Variants in HHLA1 observed in about 807,000 individuals in gnomAD.
The protein encoded by HHLA1 is HERV-H LTR-associating protein 1.
In HHLA1, 72 loss-of-function variants were observed where a neutral mutation model predicts 69.9. That is an observed-to-expected ratio of 1.03 (90% CI 0.85 to 1.25). HHLA1 has a LOEUF of 1.25. Among genes scored for constraint, HHLA1 ranks in the 50% most tolerant of loss-of-function variants. The probability of loss-of-function intolerance (pLI) is 0.00; values close to 1 mark genes in which losing one functional copy is unlikely to be tolerated. For synonymous variants in HHLA1, 252 were observed against 233.2 expected (o/e 1.08, Z -0.73); for missense variants, 685 against 642.2 (o/e 1.07, Z -0.72).
rs1220111547 is a variant in HHLA1, at chr8:132,061,638, G to A, written c.*2357C>T. On this transcript the variant is annotated 3_prime_UTR_variant, in exon 17 of 17. Coordinates refer to ENST00000414222, the MANE Select transcript of HHLA1 (RefSeq NM_001145095.3). ...ACTAATTAGTAGGAGTTCCAGATCAGTAGCACCCCCTGAGGCTTTCTTATT... is the reference window on the plus strand; with the variant it reads ...ACTAATTAGTAGGAGTTCCAGATCAATAGCACCCCCTGAGGCTTTCTTATT... 6.6e-6 allele frequency: 1 copy of A among 152,192 alleles called. No individual in the cohort carries two copies. Among genetic ancestry groups the A allele is most frequent in the Non-Finnish European group, 1.5e-5 (1 of 68,084 alleles). 9.4% of individuals were successfully genotyped at this position (152,192 alleles called of 1,614,324 possible). A position where few individuals can be genotyped will look rare whatever the true frequency, so the allele number is the denominator to read the frequency against.
rs548458261 is a variant in HHLA1, at chr8:132,103,429, G to A, written c.139+679C>T. Among the ~76,000 whole-genome samples, 66 of 152,192 alleles carry A rather than the reference G, an allele frequency of 4.3e-4. 1 individual carries two copies. Among genetic ancestry groups the A allele is most frequent in the South Asian group, 3.9e-3 (19 of 4,816 alleles). ...GCTCAGGAGTTCATGACCTGCCTGG[G>A]CAACATGGTGAAACCCTGTTTCTAA... On this transcript the variant is annotated intron_variant, in intron 3 of 16. Transcript: ENST00000414222.
Position 132,077,774 on chromosome 8 carries a change from C to A in HHLA1, c.1123G>T (p.Glu375Ter). ...GGGCTGCCAGGTGTGGCCATTATCT[C>A]AGCAGCAGGCGCCAAAAGGCTTGTA... ...NTTSLLAPAA[E>*]IMATPGSPSQ... The change falls in exon 12 of 17, where the codon GAG becomes TAG. Residue 375 changes from glutamate to a stop codon, truncating the protein, a stop_gained. Coordinates refer to ENST00000414222, the MANE Select transcript of HHLA1 (RefSeq NM_001145095.3). LOFTEE classifies it high-confidence loss of function. 6.4e-7 allele frequency: 1 copy of A among 1,551,702 alleles called. No individual in the cohort carries two copies. Among genetic ancestry groups the A allele is most frequent in the Non-Finnish European group, 8.7e-7 (1 of 1,146,978 alleles).
chr8:132,066,573 CTG>C (rs1398453096), intron 15 of HHLA1, among the ~76,000 whole-genome samples: 2 of 152,218 alleles, frequency 1.3e-5, no homozygotes, highest in Non-Finnish European at 2.9e-5. Context: ...TCAGTGCAGG[CTG>C]TGTCAACTAG....
intron 11 of HHLA1, 49 bp from the exon 12 acceptor site, chr8:132,078,020 T>G (rs1225008878): frequency 1.3e-6 from 2 of 1,537,352 alleles, no homozygotes; most frequent in Admixed American, 4.0e-5. Flanking sequence ...CTTGACCACT[T>G]CGATTCAGAC....
chr8:132,091,804 C>T (rs75060932), intron 7 of HHLA1, among the ~76,000 whole-genome samples: 4 of 152,242 alleles, frequency 2.6e-5, no homozygotes, highest in East Asian at 1.9e-4. Flanking sequence ...AGACTGTAAA[C>T]GTATGCAAGA....
At chr8:132,083,222 G>A (rs1014459110) in intron 10 of HHLA1, among the ~76,000 whole-genome samples, 5 of 152,134 alleles carry the variant, frequency 3.3e-5, no homozygotes, top group African/African-American at 1.2e-4. Context: ...TAAGGGAAAT[G>A]CACAGGTGGG....
chr8:132,110,484 A>C (rs1824278318), intron 1 of HHLA1, among the ~76,000 whole-genome samples: 2 of 152,198 alleles, frequency 1.3e-5, no homozygotes, highest in South Asian at 4.1e-4. Context: ...TGAAGATCCT[A>C]ATATTTGTTG....
At position 132,095,595 on chromosome 8, in the gene HHLA1, G is replaced by T; in HGVS notation, c.372C>A (p.Asn124Lys). ...ATTTGGCGGGGTCTACTGTCTTCAG[G>T]TTAGAAACTGTGAAGAGAAAGGATT... is the stretch of plus-strand genomic sequence containing the variant. The part of the protein sequence containing the change: ...KFSVAVYNIS[N>K]LKTVDPAKFP... The change falls in exon 7 of 17, where the codon AAC (asparagine) becomes AAA (lysine). Residue 124 changes from asparagine (N) to lysine (K), a missense_variant. Transcript: ENST00000414222. 2 of 1,546,218 alleles carry T rather than the reference G, an allele frequency of 1.3e-6. No homozygotes were observed. Among genetic ancestry groups the T allele is most frequent in the South Asian group, 2.4e-5 (2 of 83,958 alleles).
Position 132,065,873 on chromosome 8 carries a change from G to C in HHLA1, c.1552+13C>G. ...CACTGCAAAGTTACAACATAGTCAA[G>C]CTGTGTACTTACTGTGCGAGTGGGA... On this transcript the variant is annotated intron_variant, in intron 16 of 16. Coordinates refer to ENST00000414222, the MANE Select transcript of HHLA1 (RefSeq NM_001145095.3). 1.6e-6 allele frequency: 2 copies of C among 1,255,572 alleles called. No homozygotes were observed. Among genetic ancestry groups the C allele is most frequent in the African/African-American group, 3.1e-5 (2 of 64,962 alleles). 77.8% of individuals were successfully genotyped at this position (1,255,572 alleles called of 1,614,324 possible).
chr8:132,076,217 G>A (rs921473753), intron 13 of HHLA1, 88 bp from the exon 14 acceptor site: 10 of 962,554 alleles, frequency 1.0e-5, no homozygotes, highest in Non-Finnish European at 1.3e-5. Context: ...CATCTTAAAG[G>A]TAAATCATTC....
intron 10 of HHLA1, among the ~76,000 whole-genome samples, chr8:132,081,311 A>G (rs1020047104): frequency 4.6e-5 from 7 of 152,228 alleles, no homozygotes; most frequent in African/African-American, 1.7e-4. Flanking sequence ...AAGCATCTAT[A>G]CAGGAGCCTA....
chr8:132,083,354 G>C (rs978761035), intron 10 of HHLA1, among the ~76,000 whole-genome samples: 2 of 152,016 alleles, frequency 1.3e-5, no homozygotes, highest in Non-Finnish European at 2.9e-5. Flanking sequence ...AAGGGAAACA[G>C]GCCCTTGAAA....
chr8:132,109,755 G>A (rs1024808156), intron 1 of HHLA1, among the ~76,000 whole-genome samples: 20 of 152,124 alleles, frequency 1.3e-4, no homozygotes, highest in Non-Finnish European at 7.4e-5. Flanking sequence ...ACAGTGTTCT[G>A]TTTTACTCAC....
Position 132,065,968 on chromosome 8 carries a change from T to G in HHLA1, c.1470A>C (p.Arg490Ser). 1 of 1,272,178 alleles carries G rather than the reference T, an allele frequency of 7.9e-7. No individual in the cohort carries two copies. Among genetic ancestry groups the G allele is most frequent in the Non-Finnish European group, 1.0e-6 (1 of 958,642 alleles). The allele number at this position is 1,272,178 out of a possible 1,614,324, so 78.8% of individuals were successfully genotyped here. A position where few individuals can be genotyped will look rare whatever the true frequency, so the allele number is the denominator to read the frequency against. ...SQRSPRTEDM[R>S]YCLEYYSWFL... ...ACCAGGAATAGTATTCAAGACAGTATCTAAAGATTTAAATCAGAGCAGGGA... is the reference window on the plus strand; with the variant it reads ...ACCAGGAATAGTATTCAAGACAGTAGCTAAAGATTTAAATCAGAGCAGGGA... Residue 490 changes from arginine to serine, a missense_variant and splice_region_variant, in exon 16 of 17, where the codon AGA (arginine) becomes AGC (serine). Physicochemically the swap from Arg to Ser is moderately radical, Grantham distance 110. Coordinates refer to ENST00000414222, the MANE Select transcript of HHLA1 (RefSeq NM_001145095.3).
At chr8:132,098,288 TA>T (rs1172107473) in intron 5 of HHLA1, among the ~76,000 whole-genome samples, 1 of 152,178 alleles carries the variant, frequency 6.6e-6, no homozygotes, top group African/African-American at 2.4e-5. Context: ...AATATTGTCT[TA>T]AAAAAAGAAA....
intron 15 of HHLA1, chr8:132,069,575 GA>G (rs1164946118): frequency 2.6e-5 from 4 of 152,110 alleles, no homozygotes; most frequent in African/African-American, 7.2e-5. Flanking sequence ...ACTTCTCTCT[GA>G]AAATTTATGC....
intron 1 of HHLA1, among the ~76,000 whole-genome samples, chr8:132,108,500 A>G (rs1023834598): frequency 6.6e-6 from 1 of 152,176 alleles, no homozygotes. Context: ...TCTCATGACT[A>G]TTATTGGATA....
At chr8:132,081,472 G>A (rs923178010) in intron 10 of HHLA1, among the ~76,000 whole-genome samples, 1 of 152,186 alleles carries the variant, frequency 6.6e-6, no homozygotes, top group African/African-American at 2.4e-5. Context: ...TTTTCTTGAA[G>A]ACGGAGGACC....
At chr8:132,087,037 A>C (rs1245988539) in intron 10 of HHLA1, among the ~76,000 whole-genome samples, 1 of 152,262 alleles carries the variant, frequency 6.6e-6, no homozygotes, top group Non-Finnish European at 1.5e-5. Context: ...AGTAACGTAG[A>C]GTCCAAATGA....
Sources: allele counts gnomAD v4.1 joint callset (sites outside exome capture counted in the v4.1 genomes callset), GRCh38; gene constraint gnomAD v4.1.1; transcripts MANE v1.5; gene names NCBI Gene and HGNC (gene_info 2026-07-23, HGNC 2026-07-21).